The following DAB1 variants were observed in gnomAD, a reference collection of about 807,000 sequenced individuals.
The protein encoded by DAB1 is DAB adaptor protein 1.
In DAB1, 15 loss-of-function variants were observed where a neutral mutation model predicts 64.6. That is an observed-to-expected ratio of 0.23 (90% CI 0.16 to 0.36). DAB1 has a LOEUF of 0.36. Among genes scored for constraint, DAB1 ranks in the 10% least tolerant of loss-of-function variants. The pLI is 1.00. For missense variants in DAB1, 596 were observed against 706.7 expected, an observed-to-expected ratio of 0.84 and a Z score of 1.78; for synonymous variants, 235 against 251.9, an observed-to-expected ratio of 0.93 and a Z score of 0.64.
intron 7 of DAB1, among the ~76,000 whole-genome samples, chr1:57,493,024 C>T (rs1205263503): frequency 1.3e-5 from 2 of 152,088 alleles, no homozygotes; most frequent in African/African-American, 4.8e-5. Context: ...TATGCTACCC[C>T]GTGATTCCAC....
chr1:58,298,995 C>CA (rs1662056545), intron 4 of DAB1, among the ~76,000 whole-genome samples: 1 of 152,222 alleles, frequency 6.6e-6, no homozygotes, highest in Middle Eastern at 3.4e-3. Flanking sequence ...TGTTCTATTC[C>CA]AAAAAATTCT....
intron 5 of DAB1, among the ~76,000 whole-genome samples, chr1:57,907,857 G>A (rs1275098576): frequency 7.1e-6 from 1 of 140,994 alleles, no homozygotes; most frequent in Non-Finnish European, 1.6e-5. Flanking sequence ...AACCTAGAAG[G>A]TATGTGTATA....
At chr1:57,790,520 C>G (rs1390208445) in intron 6 of DAB1, among the ~76,000 whole-genome samples, 1 of 152,028 alleles carries the variant, frequency 6.6e-6, no homozygotes, top group African/African-American at 2.4e-5. Context: ...CCTCCAACCC[C>G]CAATATCAGA....
At chr1:58,175,991 T>C (rs1015110191) in intron 4 of DAB1, among the ~76,000 whole-genome samples, 5 of 152,224 alleles carry the variant, frequency 3.3e-5, no homozygotes, top group Non-Finnish European at 7.3e-5. Flanking sequence ...GAAGATCTAA[T>C]AGCACTGGGC....
intron 1 of DAB1, among the ~76,000 whole-genome samples, chr1:57,419,782 T>C (rs1212977702): frequency 1.3e-5 from 2 of 152,246 alleles, no homozygotes; most frequent in South Asian, 2.1e-4. Context: ...ACAGAGAAGT[T>C]AGATTAGCTG....
intron 3 of DAB1, among the ~76,000 whole-genome samples, chr1:58,454,775 A>C (rs1445355465): frequency 6.6e-6 from 1 of 151,910 alleles, no homozygotes; most frequent in Non-Finnish European, 1.5e-5. Flanking sequence ...AATTCTCCAC[A>C]CTCAGTTTGT....
chr1:57,923,367 G>A (rs564252272), intron 5 of DAB1, among the ~76,000 whole-genome samples: 1 of 152,312 alleles, frequency 6.6e-6, no homozygotes, highest in African/African-American at 2.4e-5. Context: ...GGTGAGAAAG[G>A]TGGGACCACC....
At chr1:58,231,299 C>A (rs1659764979) in intron 4 of DAB1, among the ~76,000 whole-genome samples, 1 of 152,154 alleles carries the variant, frequency 6.6e-6, no homozygotes, top group African/African-American at 2.4e-5. Flanking sequence ...CTAAAATATT[C>A]TAATTTTAAG....
At chr1:57,133,687 A>G (rs1359528624) in intron 4 of DAB1, among the ~76,000 whole-genome samples, 1 of 152,176 alleles carries the variant, frequency 6.6e-6, no homozygotes, top group Non-Finnish European at 1.5e-5. Flanking sequence ...AACATTTTTG[A>G]CAGCTTTTGG....
intron 11 of DAB1, among the ~76,000 whole-genome samples, 155 bp downstream of exon 11, chr1:57,023,376 C>T (rs1240166279): frequency 2.0e-5 from 3 of 152,212 alleles, no homozygotes; most frequent in Non-Finnish European, 4.4e-5. Context: ...ACCCCAACAC[C>T]ACCTCCTCCT....
rs59541171 is a variant in DAB1, at chr1:58,441,865, G to C, written n.257+64195C>G. 8.0e-3 allele frequency among the ~76,000 whole-genome samples: 1,211 copies of C among 152,310 alleles called. 15 individuals carry two copies. Among genetic ancestry groups the C allele is most frequent in the African/African-American group, 0.027 (1,133 of 41,568 alleles). On this transcript the variant is annotated intron_variant and non_coding_transcript_variant, in intron 3 of 20. Transcript: ENST00000485760. ...TTGCTCACTGAGTCGGTAACAGATG[G>C]TTGGCTCCATCTTCTTTCTGACTGG...
chr1:57,977,642 G>C (rs1157703801), intron 5 of DAB1, among the ~76,000 whole-genome samples: 1 of 152,140 alleles, frequency 6.6e-6, no homozygotes, highest in Non-Finnish European at 1.5e-5. Flanking sequence ...TCTGAAAGCA[G>C]AACACAGATT....
At chr1:57,673,405 C>T (rs188887467) in intron 6 of DAB1, among the ~76,000 whole-genome samples, 16 of 152,190 alleles carry the variant, frequency 1.1e-4, no homozygotes, top group Non-Finnish European at 2.2e-4. Flanking sequence ...GCATACTTCT[C>T]TGCTCCACAA....
intron 5 of DAB1, among the ~76,000 whole-genome samples, chr1:57,970,521 G>T (rs1340693390): frequency 6.6e-6 from 1 of 151,972 alleles, no homozygotes; most frequent in Non-Finnish European, 1.5e-5. Flanking sequence ...GATATCTACG[G>T]CGCTTGAGGA....
intron 3 of DAB1, among the ~76,000 whole-genome samples, chr1:58,389,313 C>T (rs370523323): frequency 6.6e-6 from 1 of 152,150 alleles, no homozygotes; most frequent in African/African-American, 2.4e-5. Flanking sequence ...TGGTGCATGC[C>T]TATAGCCCCA....
chr1:58,355,657 T>C (rs1037089125), intron 3 of DAB1, among the ~76,000 whole-genome samples: 4 of 152,176 alleles, frequency 2.6e-5, no homozygotes, highest in African/African-American at 7.2e-5. Context: ...AGAGAAGGCA[T>C]CTGCCCCCTG....
chr1:57,157,983 T>C (rs933076552), intron 2 of DAB1, among the ~76,000 whole-genome samples: 2 of 152,336 alleles, frequency 1.3e-5, no homozygotes, highest in South Asian at 4.1e-4. Context: ...AGGGCGTAGC[T>C]GCCTAACCCT....
At chr1:57,530,407 T>G (rs1644648755) in intron 7 of DAB1, among the ~76,000 whole-genome samples, 1 of 152,134 alleles carries the variant, frequency 6.6e-6, no homozygotes, top group Non-Finnish European at 1.5e-5. Context: ...CAATATGGAT[T>G]GTATGGACAG....
intron 3 of DAB1, among the ~76,000 whole-genome samples, chr1:58,398,985 C>G (rs1412034425): frequency 6.6e-6 from 1 of 152,170 alleles, no homozygotes; most frequent in Non-Finnish European, 1.5e-5. Flanking sequence ...AGGCAGTGAA[C>G]TGCTTAGTAA....
Sources: allele counts gnomAD v4.1 joint callset (sites outside exome capture counted in the v4.1 genomes callset), GRCh38; gene constraint gnomAD v4.1.1; transcripts MANE v1.5; gene names NCBI Gene and HGNC (gene_info 2026-07-23, HGNC 2026-07-21).